Variants in SHOC2 observed in about 807,000 individuals in gnomAD.
SHOC2 encodes the protein SHOC2 leucine rich repeat scaffold protein, also known as leucine-rich repeat protein SHOC-2.
Under a neutral mutation model 50.2 loss-of-function variants are expected in SHOC2, and 4 were observed. The observed-to-expected ratio is 0.08, with a 90% CI of 0.04 to 0.18. The LOEUF (loss-of-function observed/expected upper bound fraction) is 0.18. Ranked by LOEUF, SHOC2 falls within the 10% of genes least tolerant of loss-of-function variation. The pLI, the probability that SHOC2 is intolerant of heterozygous loss-of-function variation, is 1.00. For synonymous variants in SHOC2, 218 were observed against 244.5 expected (o/e 0.89, Z 1.01); for missense variants, 388 against 669.6 (o/e 0.58, Z 4.64).
intron 2 of SHOC2, among the ~76,000 whole-genome samples, chr10:110,971,411 T>G (rs1847779773): frequency 1.3e-5 from 2 of 152,134 alleles, no homozygotes; most frequent in African/African-American, 4.8e-5. Context: ...AATTGATCTA[T>G]TGTCTTGTTT....
intron 1 of SHOC2, among the ~76,000 whole-genome samples, chr10:110,954,172 C>G (rs556193303): frequency 2.0e-5 from 3 of 151,422 alleles, no homozygotes; most frequent in East Asian, 1.9e-4. Context: ...AAAATATTTA[C>G]TTATATTAAT....
At chr10:110,965,536 G>T (rs535342369) in intron 2 of SHOC2, among the ~76,000 whole-genome samples, 1 of 151,998 alleles carries the variant, frequency 6.6e-6, no homozygotes. Flanking sequence ...TTACAAAAGA[G>T]CAGTGTCATA....
intron 4 of SHOC2, among the ~76,000 whole-genome samples, chr10:111,003,423 T>C (rs1026386310): frequency 6.6e-6 from 1 of 152,208 alleles, no homozygotes; most frequent in Non-Finnish European, 1.5e-5. Context: ...TTCCAGTTAT[T>C]CCAGTTTTCC....
At chr10:111,011,498 T>C in intron 8 of SHOC2, 112 bp from the exon 9 acceptor site, 1 of 730,108 alleles carries the variant, frequency 1.4e-6, no homozygotes, top group Non-Finnish European at 2.3e-6. Context: ...GAAAGGAGAA[T>C]AAAAGGAAAT....
intron 1 of SHOC2, among the ~76,000 whole-genome samples, chr10:110,924,439 A>G (rs930116291): frequency 2.6e-5 from 4 of 152,212 alleles, no homozygotes; most frequent in Non-Finnish European, 4.4e-5. Context: ...GGGTAATAAA[A>G]GCACAAAGGT....
intron 3 of SHOC2, among the ~76,000 whole-genome samples, chr10:110,990,645 TA>T (rs1848167190): frequency 1.3e-5 from 2 of 152,072 alleles, no homozygotes; most frequent in African/African-American, 4.8e-5. Flanking sequence ...GATAAGAGAA[TA>T]AAAGCAGGCT....
At chr10:110,999,727 A>C (rs1848331838) in intron 3 of SHOC2, among the ~76,000 whole-genome samples, 1 of 104,756 alleles carries the variant, frequency 9.5e-6, no homozygotes, top group African/African-American at 3.7e-5. Flanking sequence ...ATAGAGTGAG[A>C]CTCAGTCTCA....
chr10:110,935,956 T>A (rs1017461802), intron 1 of SHOC2, among the ~76,000 whole-genome samples: 15 of 152,322 alleles, frequency 9.8e-5, no homozygotes, highest in African/African-American at 1.7e-4. Context: ...GATAGTTTTT[T>A]AAAAATCTTT....
At chr10:110,998,303 G>A (rs1156927985) in intron 3 of SHOC2, among the ~76,000 whole-genome samples, 2 of 151,596 alleles carry the variant, frequency 1.3e-5, no homozygotes, top group Admixed American at 6.6e-5. Context: ...CTGGCCTAAC[G>A]CAGTGATAGC....
At chr10:110,952,035 G>A (rs1417801182) in intron 1 of SHOC2, among the ~76,000 whole-genome samples, 1 of 152,088 alleles carries the variant, frequency 6.6e-6, no homozygotes, top group Non-Finnish European at 1.5e-5. Context: ...GACTTAAGAG[G>A]TCATCTGTAG....
chr10:110,979,703 C>CT (rs1374697536), intron 2 of SHOC2, among the ~76,000 whole-genome samples: 2 of 152,206 alleles, frequency 1.3e-5, no homozygotes, highest in Non-Finnish European at 2.9e-5. Flanking sequence ...TTTTCTTCAT[C>CT]TTTTTCCCCC....
At chr10:110,993,331 A>C (rs986591683) in intron 3 of SHOC2, among the ~76,000 whole-genome samples, 1 of 152,222 alleles carries the variant, frequency 6.6e-6, no homozygotes, top group Non-Finnish European at 1.5e-5. Context: ...AATCACAATA[A>C]ATGCCAGACT....
intron 2 of SHOC2, among the ~76,000 whole-genome samples, chr10:110,971,237 A>G (rs963650508): frequency 4.6e-5 from 7 of 152,056 alleles, no homozygotes; most frequent in African/African-American, 1.7e-4. Flanking sequence ...ATATAGTGAG[A>G]GATAGGGGTC....
intron 8 of SHOC2, 98 bp from the exon 9 acceptor site, chr10:111,011,512 T>C (rs1848564781): frequency 1.3e-6 from 1 of 779,674 alleles, no homozygotes; most frequent in Non-Finnish European, 2.2e-6. Context: ...AGGAAATGTG[T>C]GTTCAGTATA....
intron 5 of SHOC2, among the ~76,000 whole-genome samples, chr10:111,005,763 G>A (rs1848454975): frequency 6.6e-6 from 1 of 152,132 alleles, no homozygotes; most frequent in South Asian, 2.1e-4. Flanking sequence ...AATTTGTACT[G>A]GACAAACTTT....
At position 110,958,811 on chromosome 10, in the gene SHOC2, C is replaced by G. The variant is rs1847518897; in HGVS notation, c.-234-5314C>G. Among the ~76,000 whole-genome samples, 4 of 151,984 alleles carry G rather than the reference C, an allele frequency of 2.6e-5. No homozygotes were observed. In the South Asian group the frequency reaches 8.3e-4, roughly 32 times the overall value. On this transcript the variant is annotated intron_variant, in intron 1 of 8. Transcript: ENST00000369452. ...GCTACTCAGACATTACCCTGAATCC[C>G]TTCCTTCTCCCTACTCCTGTTCATC...
chr10:111,007,937 A>AT (rs1173781003), intron 6 of SHOC2, among the ~76,000 whole-genome samples: 3 of 151,678 alleles, frequency 2.0e-5, no homozygotes, highest in African/African-American at 7.3e-5. Flanking sequence ...TTTTAGAACA[A>AT]TTTTTTTCTT....
chr10:111,000,638 T>C, intron 4 of SHOC2, 93 bp downstream of exon 4: 1 of 1,157,912 alleles, frequency 8.6e-7, no homozygotes, highest in Non-Finnish European at 1.3e-6. Context: ...GTAAATAATT[T>C]GGTGATTGAG....
chr10:111,013,332 C>T lies in SHOC2; in HGVS notation c.*1514C>T, dbSNP rs528458429. 26 of 148,920 alleles carry T rather than the reference C, an allele frequency of 1.7e-4. No individual in the cohort carries two copies. Among genetic ancestry groups the T allele is most frequent in the African/African-American group, 6.2e-4 (25 of 40,476 alleles). 9.2% of individuals were successfully genotyped at this position (148,920 alleles called of 1,614,324 possible). A position where few individuals can be genotyped will look rare whatever the true frequency, so the allele number is the denominator to read the frequency against. ...TTTTTTTTTTTTCCATTTAGTTGGG[C>T]GTTGTGTTTTACACAAAACCATTTT... On this transcript the variant is annotated 3_prime_UTR_variant, in exon 9 of 9. Coordinates refer to ENST00000369452, the MANE Select transcript of SHOC2 (RefSeq NM_007373.4).
Sources: gnomAD v4.1 joint callset for allele counts (sites outside exome capture counted in the v4.1 genomes callset) on GRCh38, gnomAD v4.1.1 for gene constraint, MANE v1.5 for transcripts, NCBI Gene and HGNC (gene_info 2026-07-23, HGNC 2026-07-21) for gene names.